The following LRRC7 variants were observed in gnomAD, a reference collection of about 807,000 sequenced individuals.
LRRC7 encodes leucine-rich repeat-containing protein 7.
A neutral mutation model predicts 175.7 loss-of-function variants in LRRC7; 23 were observed. The ratio of observed to expected loss-of-function variants is 0.13; its 90% CI spans 0.09 to 0.19. LRRC7 has a LOEUF of 0.19. Ranked by LOEUF, LRRC7 falls within the 10% of genes least tolerant of loss-of-function variation. LRRC7 has a pLI of 1.00. For synonymous variants in LRRC7, 685 were observed against 680.9 expected (o/e 1.01, Z -0.09); for missense variants, 1,354 against 1,904.7 (o/e 0.71, Z 5.38).
intron 1 of LRRC7, among the ~76,000 whole-genome samples, chr1:69,584,425 T>G (rs1279490844): frequency 6.6e-6 from 1 of 152,118 alleles, no homozygotes; most frequent in East Asian, 1.9e-4. Context: ...GTAGCATGCA[T>G]AGTTGAATTT....
chr1:69,986,481 G>C, intron 10 of LRRC7, 95 bp downstream of exon 10: 1 of 945,636 alleles, frequency 1.1e-6, no homozygotes. Context: ...GTAATATACT[G>C]TTAGTCTGAT....
chr1:69,900,098 C>A (rs1646092523), intron 7 of LRRC7, among the ~76,000 whole-genome samples: 2 of 151,992 alleles, frequency 1.3e-5, no homozygotes, highest in Admixed American at 6.5e-5. Context: ...ACGTAAAAAC[C>A]ATTCCAAATT....
At chr1:70,047,059 A>G (rs557890792) in intron 22 of LRRC7, among the ~76,000 whole-genome samples, 2 of 152,234 alleles carry the variant, frequency 1.3e-5, no homozygotes, top group East Asian at 3.9e-4. Flanking sequence ...AAAAATTACC[A>G]TCTCAGGTCC....
intron 4 of LRRC7, among the ~76,000 whole-genome samples, chr1:69,803,241 T>C (rs750972309): frequency 6.6e-5 from 10 of 151,426 alleles, no homozygotes; most frequent in Non-Finnish European, 1.2e-4. Flanking sequence ...TTGCCATTCT[T>C]AATACTGAAT....
intron 7 of LRRC7, among the ~76,000 whole-genome samples, chr1:69,894,484 C>T (rs1324165734): frequency 1.3e-5 from 2 of 152,162 alleles, no homozygotes; most frequent in Admixed American, 1.3e-4. Flanking sequence ...ATATCCTAGC[C>T]TCCTTTTTGT....
chr1:69,781,761 GAGAGAAAGAA>G (rs1405665167), intron 3 of LRRC7, among the ~76,000 whole-genome samples: 1 of 49,642 alleles, frequency 2.0e-5, no homozygotes. Context: ...GAGAGAGAGA[GAGAGAAAGAA>G]AGAAAGAAAG....
At chr1:69,582,397 G>A (rs933748997) in intron 1 of LRRC7, among the ~76,000 whole-genome samples, 17 of 152,104 alleles carry the variant, frequency 1.1e-4, no homozygotes, top group Non-Finnish European at 1.9e-4. Flanking sequence ...TCTCACTCCA[G>A]GATCCAAGCT....
chr1:69,605,369 G>T (rs150555614), intron 1 of LRRC7, among the ~76,000 whole-genome samples: 12 of 152,222 alleles, frequency 7.9e-5, no homozygotes, highest in African/African-American at 2.9e-4. Context: ...CTAGTCTGGG[G>T]TATATCTTTA....
rs562854707 is a variant in LRRC7, at chr1:70,129,491, C to A, written c.*7604C>A. On this transcript the variant is annotated 3_prime_UTR_variant, in exon 27 of 27. Transcript: ENST00000651989. ...CAGCACTGAGTCTGTATGCCCCTGACGTTACGGGAGAAGGAGATGGAATTC... is the reference window on the plus strand; with the variant it reads ...CAGCACTGAGTCTGTATGCCCCTGAAGTTACGGGAGAAGGAGATGGAATTC... Among the ~76,000 whole-genome samples the A allele has an allele frequency of 6.6e-6, 1 of 152,088 alleles. No homozygotes were observed. Among genetic ancestry groups the A allele is most frequent in the Non-Finnish European group, 1.5e-5 (1 of 68,018 alleles).
At chr1:69,963,684 G>C (rs535576418) in intron 8 of LRRC7, among the ~76,000 whole-genome samples, 1 of 152,250 alleles carries the variant, frequency 6.6e-6, no homozygotes, top group African/African-American at 2.4e-5. Context: ...GAGTGCATGG[G>C]TTACATGGTC....
At chr1:69,952,626 A>G (rs924968362) in intron 8 of LRRC7, among the ~76,000 whole-genome samples, 3 of 152,096 alleles carry the variant, frequency 2.0e-5, no homozygotes, top group Non-Finnish European at 4.4e-5. Context: ...AAATTTAAGA[A>G]AATGTTTACA....
intron 2 of LRRC7, among the ~76,000 whole-genome samples, chr1:69,714,604 G>A (rs1480931105): frequency 2.0e-5 from 3 of 152,112 alleles, no homozygotes; most frequent in African/African-American, 7.2e-5. Flanking sequence ...CAGTAGAAGG[G>A]CAGTCCTAGC....
chr1:69,635,430 T>A (rs1653177133), intron 1 of LRRC7, among the ~76,000 whole-genome samples: 1 of 152,142 alleles, frequency 6.6e-6, no homozygotes, highest in East Asian at 1.9e-4. Flanking sequence ...TTTAAAAGGA[T>A]AATGCAGTTA....
chr1:69,901,343 C>T (rs760596138), intron 7 of LRRC7, among the ~76,000 whole-genome samples: 7 of 152,312 alleles, frequency 4.6e-5, no homozygotes, highest in Non-Finnish European at 1.0e-4. Flanking sequence ...TTTAGAATAG[C>T]TTCCATGTTT....
intron 3 of LRRC7, among the ~76,000 whole-genome samples, chr1:69,774,910 G>A (rs569899605): frequency 4.6e-4 from 69 of 150,558 alleles, no homozygotes; most frequent in Non-Finnish European, 7.4e-4. Context: ...CTTTAGAAAT[G>A]TAGAAGAAAA....
At chr1:69,614,682 T>C (rs972365342) in intron 1 of LRRC7, among the ~76,000 whole-genome samples, 1 of 152,112 alleles carries the variant, frequency 6.6e-6, no homozygotes, top group Non-Finnish European at 1.5e-5. Flanking sequence ...TTACTTATCG[T>C]GGCTCTCCTG....
At chr1:69,631,121 A>C (rs1249791079) in intron 1 of LRRC7, among the ~76,000 whole-genome samples, 2 of 152,114 alleles carry the variant, frequency 1.3e-5, no homozygotes, top group African/African-American at 2.4e-5. Context: ...AATCAGGGTA[A>C]TTGGAATGTC....
chr1:69,818,967 T>G (rs934664817), intron 4 of LRRC7, among the ~76,000 whole-genome samples: 3 of 152,120 alleles, frequency 2.0e-5, no homozygotes, highest in Non-Finnish European at 4.4e-5. Context: ...ATTCTACTTA[T>G]TTAAGTAGGT....
rs1666865511 is a variant in LRRC7, at chr1:70,136,171, C to T, written c.*14284C>T. On this transcript the variant is annotated 3_prime_UTR_variant, in exon 27 of 27. Transcript: ENST00000651989. Reference sequence around the variant, plus strand: ...TCCCAAAAAATGATAGTTACTATCCCTGTCACCTAGGGCCCTAGGTCATCA... The same window carrying T: ...TCCCAAAAAATGATAGTTACTATCCTTGTCACCTAGGGCCCTAGGTCATCA... Among the ~76,000 whole-genome samples the T allele has an allele frequency of 6.6e-6, 1 of 151,224 alleles. No individual in the cohort carries two copies. Among genetic ancestry groups the T allele is most frequent in the South Asian group, 2.1e-4 (1 of 4,760 alleles).
Sources: gnomAD v4.1 joint callset for allele counts (sites outside exome capture counted in the v4.1 genomes callset) on GRCh38, gnomAD v4.1.1 for gene constraint, MANE v1.5 for transcripts, NCBI Gene and HGNC (gene_info 2026-07-23, HGNC 2026-07-21) for gene names.